Variants in RAB11FIP5 observed in about 807,000 individuals in gnomAD.
RAB11FIP5 encodes the protein RAB11 family interacting protein 5, also known as rab11 family-interacting protein 5.
A neutral mutation model predicts 85.1 loss-of-function variants in RAB11FIP5; 48 were observed. The ratio of observed to expected loss-of-function variants is 0.56; its 90% CI spans 0.45 to 0.72. The LOEUF is 0.72. Ranked by LOEUF, RAB11FIP5 falls within the 30% of genes least tolerant of loss-of-function variation. The probability of loss-of-function intolerance (pLI) is 0.00; values close to 1 mark genes in which losing one functional copy is unlikely to be tolerated. For synonymous variants in RAB11FIP5, 729 were observed against 727.3 expected, an observed-to-expected ratio of 1.00 and a Z score of -0.04; for missense variants, 1,491 against 1,687.0, an observed-to-expected ratio of 0.88 and a Z score of 2.04.
At chr2:73,076,313 C>CCT in intron 4 of RAB11FIP5, 131 bp from the exon 5 acceptor site, 1 of 902,932 alleles carries the variant, frequency 1.1e-6, no homozygotes, top group Non-Finnish European at 1.7e-6. Context: ...GCTGCCCCTA[C>CCT]AGAGTCAAGG....
At chr2:73,106,042 A>G (rs1323885682) in intron 1 of RAB11FIP5, among the ~76,000 whole-genome samples, 1 of 152,024 alleles carries the variant, frequency 6.6e-6, no homozygotes, top group African/African-American at 2.4e-5. Context: ...ATGGAGCCAG[A>G]CCCTGACCCC....
chr2:73,079,660 G>A lies in RAB11FIP5; in HGVS notation c.3572C>T (p.Pro1191Leu). 1 of 1,233,440 alleles carries A rather than the reference G, an allele frequency of 8.1e-7. No individual in the cohort carries two copies. 76.4% of individuals were successfully genotyped at this position (1,233,440 alleles called of 1,614,324 possible). A position where few individuals can be genotyped will look rare whatever the true frequency, so the allele number is the denominator to read the frequency against. ...LETRPAEEPQ[P>L]SASPHPVKPL... ...GGGGGTGGATGCTCACCTGGCACTG[G>A]GCTGTGGCTCCTCAGCTGGTCGTGT... The change falls in exon 4 of 6, where the codon CCC becomes CTC. Residue 1191 changes from proline to leucine, a missense_variant. By Grantham distance (98) the Pro-to-Leu change is moderately conservative. Around this residue, in one of 3 missense-constraint regions of RAB11FIP5, gnomAD observed 232 missense variants for 259.1 expected, o/e 0.90. Transcript: ENST00000486777.
chr2:73,108,280 G>T (rs1033111189), intron 1 of RAB11FIP5, among the ~76,000 whole-genome samples: 2 of 152,224 alleles, frequency 1.3e-5, no homozygotes, highest in African/African-American at 4.8e-5. Flanking sequence ...CACAGCCTTT[G>T]CTTTCCCAAG....
At chr2:73,082,431 A>C (rs1189186765) in intron 3 of RAB11FIP5, among the ~76,000 whole-genome samples, 1 of 152,258 alleles carries the variant, frequency 6.6e-6, no homozygotes, top group Non-Finnish European at 1.5e-5. Flanking sequence ...CAGGGCACCT[A>C]GAATTCTGAC....
intron 1 of RAB11FIP5, among the ~76,000 whole-genome samples, chr2:73,093,894 G>A (rs1380367514): frequency 6.6e-6 from 1 of 152,206 alleles, no homozygotes; most frequent in Non-Finnish European, 1.5e-5. Context: ...GCCAAGGCGG[G>A]CAGATCACTT....
At chr2:73,084,823 G>A (rs1200906000) in intron 3 of RAB11FIP5, among the ~76,000 whole-genome samples, 3 of 152,180 alleles carry the variant, frequency 2.0e-5, no homozygotes, top group African/African-American at 7.2e-5. Context: ...CCCAAAGGCC[G>A]AAGCCAGCCT....
intron 1 of RAB11FIP5, among the ~76,000 whole-genome samples, chr2:73,104,635 T>A (rs553287391): frequency 6.6e-6 from 1 of 152,088 alleles, no homozygotes; most frequent in Non-Finnish European, 1.5e-5. Context: ...TTGCTGAGAG[T>A]GGCACACAGG....
intron 1 of RAB11FIP5, among the ~76,000 whole-genome samples, chr2:73,100,660 A>T (rs1359882611): frequency 1.3e-5 from 2 of 151,978 alleles, no homozygotes; most frequent in Non-Finnish European, 2.9e-5. Context: ...TCCTGACCTC[A>T]AGTGATCCAT....
chr2:73,083,407 G>A (rs920913332), intron 3 of RAB11FIP5, among the ~76,000 whole-genome samples: 2 of 152,160 alleles, frequency 1.3e-5, no homozygotes, highest in African/African-American at 2.4e-5. Flanking sequence ...CCCAAACCCA[G>A]GGATTTCTCG....
chr2:73,109,307 A>G (rs560175104), intron 1 of RAB11FIP5, among the ~76,000 whole-genome samples: 147 of 152,282 alleles, frequency 9.7e-4, no homozygotes, highest in Middle Eastern at 3.4e-3. Flanking sequence ...TGAAGCACCT[A>G]CAACCCCAGC....
chr2:73,080,120 G>A lies in RAB11FIP5; in HGVS notation c.3112C>T (p.Pro1038Ser), dbSNP rs1683943469. 8.1e-7 allele frequency: 1 copy of A among 1,232,178 alleles called. No individual in the cohort carries two copies. The highest frequency in any genetic ancestry group is 3.2e-5 in the East Asian group (1 of 31,682). 76.3% of individuals were successfully genotyped at this position (1,232,178 alleles called of 1,614,324 possible). Residue 1038 changes from proline (P) to serine (S), a missense_variant, in exon 4 of 6, where the codon CCA (proline) becomes TCA (serine). By Grantham distance (74) the Pro-to-Ser change is moderately conservative. This residue lies in a region of RAB11FIP5 where 1,211 missense variants were observed against 1,338.0 expected (regional missense o/e 0.91). Coordinates refer to ENST00000486777, the MANE Select transcript of RAB11FIP5 (RefSeq NM_001371272.1). ...AAGGACCCAAGCCCCTCTCCTACTG[G>A]ATCCTGGCCCTGGGCCTCAGGAGCC... is the stretch of plus-strand genomic sequence containing the variant. ...PEAPEAQGQD[P>S]VGEGLGSLSA...
chr2:73,092,854 C>T (rs1335243887), intron 1 of RAB11FIP5, among the ~76,000 whole-genome samples: 1 of 152,222 alleles, frequency 6.6e-6, no homozygotes, highest in Non-Finnish European at 1.5e-5. Context: ...GCCCCACCTC[C>T]CTCTGCAACC....
At position 73,080,316 on chromosome 2, in the gene RAB11FIP5, C is replaced by T. The variant is rs1683947802; in HGVS notation, c.2916G>A (p.Gln972=). ...CCTCCACTAGCTCTTCCAGGCCAGGCTGGCCCAGCAGGGTTGCAGAGGAGC... is the reference window on the plus strand; with the variant it reads ...CCTCCACTAGCTCTTCCAGGCCAGGTTGGCCCAGCAGGGTTGCAGAGGAGC... The part of the protein sequence containing the change: ...DSCSSATLLG[Q]PGLEELVEDA... The change falls in exon 4 of 6, where the codon CAG becomes CAA. Residue 972 remains glutamine, a synonymous_variant. Transcript: ENST00000486777. 8.1e-7 allele frequency: 1 copy of T among 1,232,922 alleles called. No individual in the cohort carries two copies. The highest frequency in any genetic ancestry group is 1.0e-6 in the Non-Finnish European group (1 of 988,546). 76.4% of individuals were successfully genotyped at this position (1,232,922 alleles called of 1,614,324 possible).
chr2:73,073,848 C>T lies in RAB11FIP5; in HGVS notation c.*1673G>A, dbSNP rs1160225575. ...CTCCATGTGTGGCGCTCCTCTGCTC[C>T]ATCCTGGCAGCAGACAGACATCACC... On this transcript the variant is annotated 3_prime_UTR_variant, in exon 6 of 6. Transcript: ENST00000486777. 6.6e-6 allele frequency: 1 copy of T among 152,226 alleles called. No homozygotes were observed. The highest frequency in any genetic ancestry group is 2.4e-5 in the African/African-American group (1 of 41,466). The allele number at this position is 152,226 out of a possible 1,614,324, so 9.4% of individuals were successfully genotyped here.
intron 1 of RAB11FIP5, among the ~76,000 whole-genome samples, chr2:73,107,819 C>T (rs1051450411): frequency 3.3e-5 from 5 of 152,142 alleles, no homozygotes; most frequent in South Asian, 2.1e-4. Flanking sequence ...GCTCTGGGGC[C>T]GAGCAGGAGC....
chr2:73,094,402 C>T (rs759280299), intron 1 of RAB11FIP5, among the ~76,000 whole-genome samples: 4 of 152,240 alleles, frequency 2.6e-5, no homozygotes, highest in Non-Finnish European at 4.4e-5. Flanking sequence ...CAACATTCAT[C>T]TAGACAATGG....
At chr2:73,107,622 G>A (rs963077505) in intron 1 of RAB11FIP5, among the ~76,000 whole-genome samples, 4 of 152,120 alleles carry the variant, frequency 2.6e-5, no homozygotes, top group African/African-American at 9.7e-5. Flanking sequence ...CCTGACTGAG[G>A]AGTCACACTT....
Position 73,079,896 on chromosome 2 carries a change from A to G in RAB11FIP5, c.3336T>C (p.Pro1112=), listed in dbSNP as rs1574293387. Residue 1112 remains proline (P), a synonymous_variant, in exon 4 of 6, where the codon CCT becomes CCC. Transcript: ENST00000486777. ...GCCCCCCACGGTGGTGGCTGGCCCA[A>G]GGCGGGAGAGGGGGCGGTGGAAAGT... ...EPDFPPPPLP[P]WASHHRGGPS... 1 of 1,232,344 alleles carries G rather than the reference A, an allele frequency of 8.1e-7. No homozygotes were observed. 76.3% of individuals were successfully genotyped at this position (1,232,344 alleles called of 1,614,324 possible).
rs1684124450 is a variant in RAB11FIP5, at chr2:73,088,077, T to G, written c.1541A>C (p.Glu514Ala). The change falls in exon 3 of 6, where the codon GAA becomes GCA. Residue 514 changes from glutamate (E) to alanine (A), a missense_variant. Coordinates refer to ENST00000486777, the MANE Select transcript of RAB11FIP5 (RefSeq NM_001371272.1). The stretch of plus-strand genomic sequence containing the variant: ...GGGTTTCTGAGTCGGGTCCTTGGCT[T>G]CTCTCAAGCCAAACCAGCTACTCTT... ...KAKSSWFGLR[E>A]AKDPTQKPSL... 1 of 1,605,336 alleles carries G rather than the reference T, an allele frequency of 6.2e-7. No homozygotes were observed. The highest frequency in any genetic ancestry group is 2.2e-5 in the East Asian group (1 of 44,700).
Sources: gnomAD v4.1 joint callset for allele counts (sites outside exome capture counted in the v4.1 genomes callset) on GRCh38, gnomAD v4.1.1 for gene constraint, gnomAD v4.1.1 regional missense constraint, MANE v1.5 for transcripts, NCBI Gene and HGNC (gene_info 2026-07-23, HGNC 2026-07-21) for gene names.